Variants in WWOX observed in about 807,000 individuals in gnomAD.
WWOX encodes WW domain containing oxidoreductase, also known as WW domain-containing oxidoreductase.
A neutral mutation model predicts 46.2 loss-of-function variants in WWOX; 69 were observed. The observed-to-expected ratio is 1.49, with a 90% CI of 1.23 to 1.82. WWOX has a LOEUF of 1.82. WWOX is among the 40% of genes most tolerant of loss of function. The probability of loss-of-function intolerance (pLI) is 0.00; values close to 1 mark genes in which losing one functional copy is unlikely to be tolerated. For synonymous variants in WWOX, 359 were observed against 202.6 expected (o/e 1.77, Z -6.56); for missense variants, 919 against 542.6 (o/e 1.69, Z -6.89).
Position 78,859,038 on chromosome 16 carries a change from ATATATATATATG to A in WWOX, c.1057-352558_1057-352547del, listed in dbSNP as rs1214767748. ...AAAAAAAAAAAAAAAATATATATAT[ATATATATATATG>A]TATATATATATATATATATATATGA... On this transcript the variant is annotated intron_variant, in intron 8 of 8. Coordinates refer to ENST00000566780, the MANE Select transcript of WWOX (RefSeq NM_016373.4). Among the ~76,000 whole-genome samples, 106 of 24,606 alleles carry A rather than the reference ATATATATATATG, an allele frequency of 4.3e-3. 1 individual carries two copies. Among genetic ancestry groups the A allele is most frequent in the Middle Eastern group, 0.036 (1 of 28 alleles). The allele number at this position is 24,606 out of a possible 152,430, so 16.1% of individuals were successfully genotyped here.
intron 6 of WWOX, among the ~76,000 whole-genome samples, chr16:78,419,534 C>G (rs755106203): frequency 7.0e-6 from 1 of 143,234 alleles, no homozygotes; most frequent in African/African-American, 2.6e-5. Context: ...TCAAAATAGT[C>G]TTTTCAACAG....
At chr16:78,707,670 G>A (rs552811487) in intron 8 of WWOX, among the ~76,000 whole-genome samples, 2 of 152,098 alleles carry the variant, frequency 1.3e-5, no homozygotes, top group East Asian at 3.9e-4. Flanking sequence ...ATCACTTGAG[G>A]TCAGGCATTC....
intron 8 of WWOX, among the ~76,000 whole-genome samples, chr16:79,183,224 AGACTCTTTTCC>A (rs2050947524): frequency 6.6e-6 from 1 of 152,224 alleles, no homozygotes; most frequent in Non-Finnish European, 1.5e-5. Context: ...CTGACCAGCT[AGACTCTTTTCC>A]TTTTCTTGCA....
intron 8 of WWOX, among the ~76,000 whole-genome samples, chr16:78,948,160 A>G (rs902988042): frequency 3.3e-5 from 5 of 152,156 alleles, no homozygotes; most frequent in Non-Finnish European, 7.4e-5. Flanking sequence ...GAGACAGGTA[A>G]CACCTGCCTC....
chr16:78,615,089 T>C (rs1460700495), intron 8 of WWOX, among the ~76,000 whole-genome samples: 3 of 152,190 alleles, frequency 2.0e-5, no homozygotes, highest in Non-Finnish European at 4.4e-5. Flanking sequence ...GACACTCTAG[T>C]GAAATTCTAT....
chr16:79,151,687 G>C (rs1484982125), intron 8 of WWOX, among the ~76,000 whole-genome samples: 1 of 151,558 alleles, frequency 6.6e-6, no homozygotes, highest in East Asian at 1.9e-4. Flanking sequence ...AGAAGTAAGT[G>C]GCCACCCTAT....
chr16:78,122,914 A>G (rs761799338), intron 4 of WWOX, among the ~76,000 whole-genome samples: 1 of 152,102 alleles, frequency 6.6e-6, no homozygotes, highest in Non-Finnish European at 1.5e-5. Context: ...GGTGTTGTAC[A>G]TATTTCCTTT....
chr16:78,933,691 G>A (rs2045672600), intron 8 of WWOX, among the ~76,000 whole-genome samples: 1 of 152,168 alleles, frequency 6.6e-6, no homozygotes, highest in South Asian at 2.1e-4. Flanking sequence ...AGACAAGAGA[G>A]GAGAGCTTGT....
At chr16:78,234,578 G>A (rs9935005) in intron 5 of WWOX, among the ~76,000 whole-genome samples, 1 of 151,888 alleles carries the variant, frequency 6.6e-6, no homozygotes, top group Non-Finnish European at 1.5e-5. Context: ...GAAGTATTTG[G>A]AAAACTCCTA....
intron 5 of WWOX, among the ~76,000 whole-genome samples, chr16:78,249,107 C>T (rs1201793552): frequency 1.3e-5 from 2 of 152,134 alleles, no homozygotes; most frequent in Non-Finnish European, 2.9e-5. Context: ...CCCACCTCGA[C>T]CTCCCAAAGT....
At chr16:78,554,228 A>C (rs2044236822) in intron 8 of WWOX, among the ~76,000 whole-genome samples, 1 of 152,170 alleles carries the variant, frequency 6.6e-6, no homozygotes, top group Non-Finnish European at 1.5e-5. Flanking sequence ...GCATGTGGAC[A>C]TGATGGAAAG....
intron 8 of WWOX, among the ~76,000 whole-genome samples, chr16:78,989,609 G>T (rs1282637640): frequency 1.3e-5 from 2 of 152,198 alleles, no homozygotes; most frequent in Non-Finnish European, 2.9e-5. Context: ...TAAATACTGA[G>T]ACTGAGCAGT....
chr16:78,913,268 A>C (rs1200785268), intron 8 of WWOX, among the ~76,000 whole-genome samples: 1 of 152,008 alleles, frequency 6.6e-6, no homozygotes, highest in Non-Finnish European at 1.5e-5. Context: ...AGAGGCCCCA[A>C]GACATCAGCA....
At chr16:78,441,696 G>A (rs915946417) in intron 8 of WWOX, among the ~76,000 whole-genome samples, 4 of 152,086 alleles carry the variant, frequency 2.6e-5, no homozygotes, top group African/African-American at 9.7e-5. Flanking sequence ...TAAGATTCAT[G>A]CATAAAACTG....
intron 8 of WWOX, chr16:78,503,924 A>C (rs1383654413): frequency 6.6e-6 from 1 of 152,252 alleles, no homozygotes; most frequent in Non-Finnish European, 1.5e-5. Context: ...AGTGTACAAT[A>C]AATAGTAAAT....
intron 8 of WWOX, among the ~76,000 whole-genome samples, chr16:78,448,444 C>G (rs188348571): frequency 2.0e-3 from 297 of 152,236 alleles, no homozygotes; most frequent in African/African-American, 6.7e-3. Flanking sequence ...TAGAGTCTCA[C>G]AGGCTGCATT....
intron 8 of WWOX, among the ~76,000 whole-genome samples, chr16:78,633,100 T>C (rs1385855934): frequency 1.3e-5 from 2 of 152,118 alleles, no homozygotes; most frequent in African/African-American, 2.4e-5. Context: ...CTGTCTCTAC[T>C]ACAAATAAAA....
At chr16:78,519,930 TC>T in intron 8 of WWOX, among the ~76,000 whole-genome samples, 1 of 152,358 alleles carries the variant, frequency 6.6e-6, no homozygotes, top group South Asian at 2.1e-4. Flanking sequence ...TTTTTGAGAT[TC>T]TTTTTTCAGT....
chr16:78,527,506 C>T (rs1340945003), intron 8 of WWOX, among the ~76,000 whole-genome samples: 1 of 152,084 alleles, frequency 6.6e-6, no homozygotes, highest in Non-Finnish European at 1.5e-5. Context: ...GTTGGCCAGG[C>T]TGGTCTTGAA....
Sources: gnomAD v4.1 joint callset for allele counts (sites outside exome capture counted in the v4.1 genomes callset) on GRCh38, gnomAD v4.1.1 for gene constraint, MANE v1.5 for transcripts, NCBI Gene and HGNC (gene_info 2026-07-23, HGNC 2026-07-21) for gene names.